Variants in SMAD3 observed in about 807,000 individuals in gnomAD.
SMAD3 encodes SMAD family member 3.
SMAD3 carries 12 observed loss-of-function variants against 51.8 expected under a neutral mutation model. The ratio of observed to expected loss-of-function variants is 0.23; its 90% CI spans 0.15 to 0.38. The LOEUF (loss-of-function observed/expected upper bound fraction) is 0.38. Ranked by LOEUF, SMAD3 falls within the 10% of genes least tolerant of loss-of-function variation. The pLI is 1.00. For synonymous variants in SMAD3, 238 were observed against 227.7 expected (o/e 1.05, Z -0.41); for missense variants, 294 against 565.6 (o/e 0.52, Z 4.87).
At chr15:67,183,579 C>G (rs1208122044) in intron 6 of SMAD3, among the ~76,000 whole-genome samples, 1 of 152,118 alleles carries the variant, frequency 6.6e-6, no homozygotes, top group African/African-American at 2.4e-5. Context: ...TCCAGTGATG[C>G]ATGGGTCGGT....
At chr15:67,100,447 G>C (rs753032947) in intron 1 of SMAD3, among the ~76,000 whole-genome samples, 1 of 151,904 alleles carries the variant, frequency 6.6e-6, no homozygotes, top group Admixed American at 6.6e-5. Context: ...TGCGGTGGTT[G>C]TACAATATTG....
At chr15:67,187,333 T>C in intron 7 of SMAD3, 32 bp from the exon 8 acceptor site, 1 of 1,614,026 alleles carries the variant, frequency 6.2e-7, no homozygotes, top group Non-Finnish European at 8.5e-7. Context: ...GCCACTTCCA[T>C]CCCCACAGCC....
chr15:67,147,452 GA>G (rs1162060577), intron 1 of SMAD3, among the ~76,000 whole-genome samples: 6 of 151,780 alleles, frequency 4.0e-5, no homozygotes, highest in Non-Finnish European at 1.5e-5. Context: ...TCCTGGAGTA[GA>G]AAAAAAACAA....
Position 67,079,734 on chromosome 15 carries a change from G to A in SMAD3, c.206+13374G>A, listed in dbSNP as rs143876640. Among the ~76,000 whole-genome samples, 40 of 152,318 alleles carry A rather than the reference G, an allele frequency of 2.6e-4. 1 individual carries two copies. The highest frequency in any genetic ancestry group is 9.4e-4 in the African/African-American group (39 of 41,572). ...AGGAGGCTGAAGCATTGAGGGGTCAGTGGCAGAACAGGAATCTTAACTCTG... is the reference window on the plus strand; with the variant it reads ...AGGAGGCTGAAGCATTGAGGGGTCAATGGCAGAACAGGAATCTTAACTCTG... On this transcript the variant is annotated intron_variant, in intron 1 of 8. Transcript: ENST00000327367.
At chr15:67,152,573 C>T (rs894336254) in intron 1 of SMAD3, among the ~76,000 whole-genome samples, 9 of 152,234 alleles carry the variant, frequency 5.9e-5, no homozygotes, top group South Asian at 2.1e-4. Flanking sequence ...CCCATCAGAA[C>T]GTTGCCAAGG....
At position 67,096,182 on chromosome 15, in the gene SMAD3, A is replaced by G. The variant is rs544834307; in HGVS notation, c.206+29822A>G. On this transcript the variant is annotated intron_variant, in intron 1 of 8. Transcript: ENST00000327367. ...TACTCACGTCACTTCCCTGACACCA[A>G]CCACTTATATTGAAAATGATGACGG... Among the ~76,000 whole-genome samples the G allele has an allele frequency of 2.0e-5, 3 of 152,322 alleles. No homozygotes were observed. In the East Asian group the frequency reaches 5.8e-4, roughly 29 times the overall value.
At chr15:67,118,230 T>G (rs993100459) in intron 1 of SMAD3, among the ~76,000 whole-genome samples, 1 of 152,230 alleles carries the variant, frequency 6.6e-6, no homozygotes, top group Admixed American at 6.5e-5. Flanking sequence ...GTGTGGTCCC[T>G]GCAGTGGGGG....
At chr15:67,169,209 G>T (rs900369256) in intron 4 of SMAD3, among the ~76,000 whole-genome samples, 5 of 152,060 alleles carry the variant, frequency 3.3e-5, no homozygotes, top group Non-Finnish European at 5.9e-5. Flanking sequence ...TAGCTGATTC[G>T]TGGGGTTGTC....
chr15:67,134,839 C>T (rs1477382063), intron 1 of SMAD3, among the ~76,000 whole-genome samples: 6 of 152,166 alleles, frequency 3.9e-5, no homozygotes, highest in Non-Finnish European at 7.3e-5. Context: ...GTGCTGTTGC[C>T]CCTCACACTC....
chr15:67,155,243 A>G (rs1962251367), intron 1 of SMAD3, among the ~76,000 whole-genome samples: 2 of 152,206 alleles, frequency 1.3e-5, no homozygotes, highest in Admixed American at 6.5e-5. Flanking sequence ...GGTTTGTCAC[A>G]TACACCCAGG....
intron 1 of SMAD3, among the ~76,000 whole-genome samples, chr15:67,067,622 G>A (rs968940704): frequency 5.3e-5 from 8 of 152,194 alleles, no homozygotes; most frequent in Admixed American, 2.6e-4. Context: ...AGTCAGGCAG[G>A]CACAAAGCAA....
intron 1 of SMAD3, among the ~76,000 whole-genome samples, chr15:67,132,023 A>T (rs763433058): frequency 6.6e-6 from 1 of 152,104 alleles, no homozygotes; most frequent in Non-Finnish European, 1.5e-5. Context: ...CTCTGTTGGG[A>T]GGACCCTTGA....
chr15:67,173,909 C>T (rs113190583), intron 5 of SMAD3, among the ~76,000 whole-genome samples: 5 of 152,110 alleles, frequency 3.3e-5, no homozygotes, highest in African/African-American at 4.8e-5. Flanking sequence ...ATGCCCCCAT[C>T]GAGGCTGGAC....
intron 5 of SMAD3, among the ~76,000 whole-genome samples, chr15:67,177,009 C>A (rs1962917301): frequency 6.6e-6 from 1 of 152,238 alleles, no homozygotes; most frequent in Non-Finnish European, 1.5e-5. Flanking sequence ...CGTAGTCATT[C>A]TCCTAGAGGA....
At chr15:67,067,183 G>A (rs1959944215) in intron 1 of SMAD3, among the ~76,000 whole-genome samples, 1 of 152,148 alleles carries the variant, frequency 6.6e-6, no homozygotes, top group South Asian at 2.1e-4. Flanking sequence ...CCCAAAGTGG[G>A]CCTCGCATCG....
intron 5 of SMAD3, among the ~76,000 whole-genome samples, chr15:67,181,008 A>ATAAAT (rs397960696): frequency 6.6e-6 from 1 of 152,016 alleles, no homozygotes; most frequent in East Asian, 1.9e-4. Context: ...AAATAAATAA[A>ATAAAT]AAGAGAAATC....
intron 1 of SMAD3, among the ~76,000 whole-genome samples, chr15:67,068,532 G>C (rs947317160): frequency 6.6e-6 from 1 of 152,206 alleles, no homozygotes; most frequent in African/African-American, 2.4e-5. Context: ...GAACGCTTTG[G>C]ATGATTCTGA....
intron 1 of SMAD3, among the ~76,000 whole-genome samples, chr15:67,071,668 C>T (rs1388668918): frequency 2.0e-5 from 3 of 152,042 alleles, no homozygotes; most frequent in South Asian, 2.1e-4. Context: ...AAAAATTAGC[C>T]GAGCTTGGTG....
intron 1 of SMAD3, among the ~76,000 whole-genome samples, chr15:67,107,872 C>T (rs936202948): frequency 3.9e-5 from 6 of 152,156 alleles, no homozygotes; most frequent in Non-Finnish European, 8.8e-5. Context: ...TTCTGTGATA[C>T]TGACATCTGG....
Sources: allele counts gnomAD v4.1 joint callset (sites outside exome capture counted in the v4.1 genomes callset), GRCh38; gene constraint gnomAD v4.1.1; transcripts MANE v1.5; gene names NCBI Gene and HGNC (gene_info 2026-07-23, HGNC 2026-07-21).